Variants in ZMAT5 observed in about 807,000 individuals in gnomAD.
The protein encoded by ZMAT5 is zinc finger matrin-type protein 5.
ZMAT5 carries 23 observed loss-of-function variants against 28.0 expected under a neutral mutation model. The ratio of observed to expected loss-of-function variants is 0.82; its 90% confidence interval spans 0.59 to 1.16. ZMAT5 has a LOEUF of 1.16. Among genes scored for constraint, ZMAT5 ranks in the 50% most tolerant of loss-of-function variants. ZMAT5 has a pLI of 0.00. For missense variants in ZMAT5, 173 were observed against 212.7 expected (o/e 0.81, Z 1.16); for synonymous variants, 76 against 84.1 (o/e 0.90, Z 0.52).
chr22:29,762,874 A>G (rs539491778), intron 1 of ZMAT5, among the ~76,000 whole-genome samples: 8 of 152,318 alleles, frequency 5.3e-5, no homozygotes, highest in East Asian at 3.9e-4. Flanking sequence ...AAGGGAAATT[A>G]CGTTTTTTAA....
intron 1 of ZMAT5, among the ~76,000 whole-genome samples, chr22:29,748,798 C>T (rs1201826065): frequency 6.6e-6 from 1 of 152,246 alleles, no homozygotes; most frequent in African/African-American, 2.4e-5. Context: ...AAAGTAGAAC[C>T]TCAGTGGGTG....
At chr22:29,750,904 A>G (rs544654396) in intron 1 of ZMAT5, among the ~76,000 whole-genome samples, 5 of 152,320 alleles carry the variant, frequency 3.3e-5, no homozygotes, top group African/African-American at 1.2e-4. Flanking sequence ...CCATTAAGTC[A>G]GGGGCTGTAA....
rs1444024696 is a variant in ZMAT5, at chr22:29,760,959, AAT to A, written c.-28+5911_-28+5912del. On this transcript the variant is annotated intron_variant, in intron 1 of 5. Transcript: ENST00000344318. ...ATGTTCCTATCCTAAATTTAGTAATAATCTGTATATTTTGGAATTAAAAAGTA... is the reference window on the plus strand; with the variant it reads ...ATGTTCCTATCCTAAATTTAGTAATACTGTATATTTTGGAATTAAAAAGTA... Among the ~76,000 whole-genome samples, 11 of 152,244 alleles carry A rather than the reference AAT, an allele frequency of 7.2e-5. No homozygotes were observed. The East Asian group carries it at 2.1e-3, about 29-fold the overall frequency.
intron 1 of ZMAT5, among the ~76,000 whole-genome samples, chr22:29,761,221 C>T (rs1255631511): frequency 7.4e-6 from 1 of 135,852 alleles, no homozygotes; most frequent in East Asian, 2.2e-4. Flanking sequence ...TGCAGTGAGC[C>T]GAGATTGTGC....
At chr22:29,738,295 G>C (rs756869229) in intron 5 of ZMAT5, 35 bp downstream of exon 5, 1 of 1,588,196 alleles carries the variant, frequency 6.3e-7, no homozygotes, top group East Asian at 2.2e-5. Context: ...TTGCCCCCAG[G>C]GGGCACAGCG....
rs2068165942 is a variant in ZMAT5 at position 29,762,413 on chromosome 22, T to C, written c.-28+4459A>G. 3.3e-5 allele frequency among the ~76,000 whole-genome samples: 5 copies of C among 152,184 alleles called. No homozygotes were observed. The South Asian group carries it at 1.0e-3, about 32-fold the overall frequency. ...GCTGGGCCGCACAGCAGGAGGTGAGTGGCAGGTGAGTAAGCGAAGCTTCAT... is the reference window on the plus strand; with the variant it reads ...GCTGGGCCGCACAGCAGGAGGTGAGCGGCAGGTGAGTAAGCGAAGCTTCAT... On this transcript the variant is annotated intron_variant, in intron 1 of 5. Transcript: ENST00000344318.
intron 1 of ZMAT5, among the ~76,000 whole-genome samples, chr22:29,752,832 C>T (rs138483464): frequency 1.2e-4 from 18 of 152,338 alleles, no homozygotes; most frequent in African/African-American, 4.3e-4. Flanking sequence ...CGAGAGCCAC[C>T]GCACCAAGCC....
intron 5 of ZMAT5, among the ~76,000 whole-genome samples, chr22:29,732,513 GGATCACGA>G (rs2067858933): frequency 6.6e-6 from 1 of 152,126 alleles, no homozygotes; most frequent in Non-Finnish European, 1.5e-5. Flanking sequence ...CAAGGCGGGT[GGATCACGA>G]GATCAGGAGA....
At chr22:29,749,508 G>A (rs1403294148) in intron 1 of ZMAT5, among the ~76,000 whole-genome samples, 7 of 152,268 alleles carry the variant, frequency 4.6e-5, no homozygotes, top group African/African-American at 1.2e-4. Context: ...ATGCCCTCCT[G>A]CAAACTCCCG....
At chr22:29,742,942 C>T (rs1375067968) in intron 2 of ZMAT5, among the ~76,000 whole-genome samples, 1 of 152,230 alleles carries the variant, frequency 6.6e-6, no homozygotes, top group East Asian at 1.9e-4. Context: ...CAGCTGTGCA[C>T]CACCATGCCC....
chr22:29,749,464 C>T (rs1236898081), intron 1 of ZMAT5, among the ~76,000 whole-genome samples: 4 of 152,080 alleles, frequency 2.6e-5, no homozygotes, highest in Non-Finnish European at 5.9e-5. Context: ...GGCCACCTCC[C>T]GGCCTTTGCA....
At chr22:29,734,121 C>T (rs1009250891) in intron 5 of ZMAT5, among the ~76,000 whole-genome samples, 1 of 152,208 alleles carries the variant, frequency 6.6e-6, no homozygotes, top group Non-Finnish European at 1.5e-5. Flanking sequence ...GGGATAGAGT[C>T]GCAAACTGAA....
intron 2 of ZMAT5, 166 bp downstream of exon 2, chr22:29,748,252 C>T: frequency 1.1e-6 from 1 of 924,328 alleles, no homozygotes; most frequent in East Asian, 2.6e-5. Flanking sequence ...GGAAAGAGCT[C>T]ACCTACCAGC....
At chr22:29,731,891 T>C (rs2067849598) in intron 5 of ZMAT5, 1 of 152,274 alleles carries the variant, frequency 6.6e-6, no homozygotes, top group East Asian at 1.9e-4. Context: ...TACTCCTTTA[T>C]ATTTCTCAAA....
chr22:29,748,687 G>A (rs370057747), intron 1 of ZMAT5, 116 bp from the exon 2 acceptor site: 248 of 1,317,822 alleles, frequency 1.9e-4, no homozygotes, highest in Non-Finnish European at 2.4e-4. Flanking sequence ...TATGCACCCC[G>A]CCCCATTAGG....
chr22:29,753,100 CG>C (rs2068069116), intron 1 of ZMAT5, among the ~76,000 whole-genome samples: 1 of 152,028 alleles, frequency 6.6e-6, no homozygotes, highest in Non-Finnish European at 1.5e-5. Context: ...GGAGGCTGTC[CG>C]GGGACAGAGT....
At chr22:29,738,001 G>C (rs138054450) in intron 5 of ZMAT5, among the ~76,000 whole-genome samples, 1,542 of 152,160 alleles carry the variant, frequency 0.01, 19 homozygotes, top group Admixed American at 0.027. Flanking sequence ...GCAACAGTGG[G>C]CAGCAGTGCA....
At chr22:29,753,190 T>C (rs2068069805) in intron 1 of ZMAT5, among the ~76,000 whole-genome samples, 1 of 152,232 alleles carries the variant, frequency 6.6e-6, no homozygotes, top group East Asian at 1.9e-4. Flanking sequence ...TCAGTGATAC[T>C]GGCATTTCTG....
At chr22:29,736,249 C>T (rs1166562899) in intron 5 of ZMAT5, among the ~76,000 whole-genome samples, 1 of 152,204 alleles carries the variant, frequency 6.6e-6, no homozygotes, top group Non-Finnish European at 1.5e-5. Context: ...AGGAGGTGCT[C>T]ACATGCACAA....
Sources: gnomAD v4.1 joint callset for allele counts (sites outside exome capture counted in the v4.1 genomes callset) on GRCh38, gnomAD v4.1.1 for gene constraint, MANE v1.5 for transcripts, NCBI Gene and HGNC (gene_info 2026-07-23, HGNC 2026-07-21) for gene names.